Variants in FRMD5 observed in about 807,000 individuals in gnomAD.
FRMD5 encodes FERM domain-containing protein 5.
FRMD5 carries 20 observed loss-of-function variants against 69.0 expected under a neutral mutation model. That is an observed-to-expected ratio of 0.29 (90% CI 0.20 to 0.42). The LOEUF is 0.42. Among genes scored for constraint, FRMD5 ranks in the 10% least tolerant of loss-of-function variants. The probability of loss-of-function intolerance (pLI) is 1.00; values close to 1 mark genes in which losing one functional copy is unlikely to be tolerated. For missense variants in FRMD5, 595 were observed against 708.6 expected (o/e 0.84, Z 1.82); for synonymous variants, 271 against 260.1 (o/e 1.04, Z -0.40).
intron 1 of FRMD5, among the ~76,000 whole-genome samples, chr15:43,942,870 C>T (rs1045494354): frequency 6.6e-6 from 1 of 152,240 alleles, no homozygotes; most frequent in Non-Finnish European, 1.5e-5. Context: ...AGAGAGCCTC[C>T]TATCTCAGCC....
intron 1 of FRMD5, among the ~76,000 whole-genome samples, chr15:43,974,939 G>A (rs2090441407): frequency 6.6e-6 from 1 of 152,202 alleles, no homozygotes; most frequent in Non-Finnish European, 1.5e-5. Context: ...GAGTTGTTGA[G>A]CAATTTGCCA....
chr15:43,894,228 G>C (rs1166169441), intron 7 of FRMD5, among the ~76,000 whole-genome samples: 1 of 152,194 alleles, frequency 6.6e-6, no homozygotes, highest in Admixed American at 6.5e-5. Flanking sequence ...GGTCAGGGAA[G>C]GGTGGCCTTG....
At chr15:43,986,187 G>A (rs1366141942) in intron 1 of FRMD5, among the ~76,000 whole-genome samples, 2 of 152,066 alleles carry the variant, frequency 1.3e-5, no homozygotes, top group East Asian at 1.9e-4. Context: ...ACAGTCTGTC[G>A]GTGACTAGTC....
intron 1 of FRMD5, among the ~76,000 whole-genome samples, chr15:43,952,985 T>C (rs1469241921): frequency 1.3e-5 from 2 of 152,238 alleles, no homozygotes; most frequent in African/African-American, 4.8e-5. Context: ...CATCCACTGC[T>C]GAAGAACCCC....
rs555387428 is a variant in FRMD5 at position 43,966,030 on chromosome 15, T to C, written c.103-41721A>G. On this transcript the variant is annotated intron_variant, in intron 1 of 13. Transcript: ENST00000417257. ...AAAGTGCCTGCTGCATGCAAAGCACTGGACCTTGAGGCAGGAAGATATAAA... is the reference window on the plus strand; with the variant it reads ...AAAGTGCCTGCTGCATGCAAAGCACCGGACCTTGAGGCAGGAAGATATAAA... 3.3e-5 allele frequency among the ~76,000 whole-genome samples: 5 copies of C among 152,312 alleles called. No homozygotes were observed. In the East Asian group the frequency reaches 9.6e-4, roughly 29 times the overall value.
At chr15:44,045,801 T>G (rs76188614) in intron 1 of FRMD5, among the ~76,000 whole-genome samples, 5,262 of 152,234 alleles carry the variant, frequency 0.035, 262 homozygotes, top group African/African-American at 0.11. Flanking sequence ...TGCTGTTGTA[T>G]CCTAAATATG....
intron 1 of FRMD5, among the ~76,000 whole-genome samples, chr15:44,028,354 G>A (rs544803625): frequency 6.6e-6 from 1 of 152,332 alleles, no homozygotes; most frequent in East Asian, 1.9e-4. Flanking sequence ...CGAGATGGAA[G>A]TGCAGCAAAG....
At position 43,957,239 on chromosome 15, in the gene FRMD5, A is replaced by G. The variant is rs1360665283; in HGVS notation, c.103-32930T>C. On this transcript the variant is annotated intron_variant, in intron 1 of 13. Transcript: ENST00000417257. ...GAGTTGGAGTCTGGCTCTGTCACCCAGGCTGGAGTACAGTGGTGAGATCTT... is the reference window on the plus strand; with the variant it reads ...GAGTTGGAGTCTGGCTCTGTCACCCGGGCTGGAGTACAGTGGTGAGATCTT... Among the ~76,000 whole-genome samples, 5 of 152,044 alleles carry G rather than the reference A, an allele frequency of 3.3e-5. No individual in the cohort carries two copies. The East Asian group carries it at 9.6e-4, about 29-fold the overall frequency.
intron 1 of FRMD5, among the ~76,000 whole-genome samples, chr15:44,063,170 C>T (rs944147792): frequency 2.6e-5 from 4 of 152,112 alleles, no homozygotes; most frequent in African/African-American, 9.7e-5. Context: ...AGAACTAGTA[C>T]AACGTATAAG....
chr15:44,015,636 G>C (rs1890922978), intron 1 of FRMD5, among the ~76,000 whole-genome samples: 6 of 151,978 alleles, frequency 3.9e-5, no homozygotes, highest in Admixed American at 3.3e-4. Context: ...ATGTCCTTTG[G>C]ACCCTTAGTA....
chr15:43,975,831 A>G (rs946370967), intron 1 of FRMD5, among the ~76,000 whole-genome samples: 1 of 152,230 alleles, frequency 6.6e-6, no homozygotes, highest in Non-Finnish European at 1.5e-5. Context: ...TTGCAAAAGA[A>G]GAACAAATTT....
chr15:44,198,585 C>A (rs1313166844), upstream of FRMD5, among the ~76,000 whole-genome samples: 3 of 152,012 alleles, frequency 2.0e-5, no homozygotes, highest in African/African-American at 7.3e-5. Context: ...AAAGGAAGGG[C>A]TCATATAAAA....
intron 1 of FRMD5, among the ~76,000 whole-genome samples, chr15:44,035,179 G>A (rs139327755): frequency 5.3e-5 from 8 of 152,270 alleles, no homozygotes; most frequent in African/African-American, 1.9e-4. Flanking sequence ...CCGGGGCTAA[G>A]TCACAAGATA....
intron 1 of FRMD5, among the ~76,000 whole-genome samples, chr15:44,191,785 C>T (rs2252959): frequency 1 from 150,119 of 150,594 alleles, 74,832 homozygotes; most frequent in Middle Eastern, 1. Context: ...TGCCTAAGCA[C>T]GTAAATGACT....
intron 4 of FRMD5, among the ~76,000 whole-genome samples, chr15:43,912,313 A>T (rs947396167): frequency 6.6e-6 from 1 of 152,160 alleles, no homozygotes. Flanking sequence ...AAAGGAAAAA[A>T]GACATCATGT....
chr15:43,969,244 T>A (rs902461722), intron 1 of FRMD5, among the ~76,000 whole-genome samples: 2 of 151,934 alleles, frequency 1.3e-5, no homozygotes, highest in Non-Finnish European at 2.9e-5. Context: ...ACCACATCCA[T>A]GTAATTTTTA....
intron 1 of FRMD5, among the ~76,000 whole-genome samples, chr15:44,142,958 C>T (rs28508007): frequency 0.073 from 11,051 of 151,960 alleles, 636 homozygotes; most frequent in East Asian, 0.17. Flanking sequence ...GGCGTGGTGG[C>T]GCGGGCCTGC....
Position 44,124,519 on chromosome 15 carries a change from G to A in FRMD5, c.102+70434C>T, listed in dbSNP as rs370985637. On this transcript the variant is annotated intron_variant, in intron 1 of 13. Transcript: ENST00000417257. ...TCAAAACCATCCTGGCTAACACGGC[G>A]AAACCCTGTCTCTACTAAAAATACA... 8.6e-5 allele frequency among the ~76,000 whole-genome samples: 13 copies of A among 151,656 alleles called. No individual in the cohort carries two copies. The East Asian group carries it at 2.4e-3, about 28-fold the overall frequency.
chr15:44,165,541 C>T (rs1400780593), intron 1 of FRMD5, among the ~76,000 whole-genome samples: 2 of 152,120 alleles, frequency 1.3e-5, no homozygotes, highest in Non-Finnish European at 2.9e-5. Flanking sequence ...TAATCTAAAT[C>T]TATCAAATTG....
Sources: allele counts gnomAD v4.1 joint callset (sites outside exome capture counted in the v4.1 genomes callset), GRCh38; gene constraint gnomAD v4.1.1; transcripts MANE v1.5; gene names NCBI Gene and HGNC (gene_info 2026-07-23, HGNC 2026-07-21).